Variants in LTBP1 observed in about 807,000 individuals in gnomAD.
LTBP1 encodes the protein latent-transforming growth factor beta-binding protein 1.
Under a neutral mutation model 207.6 loss-of-function variants are expected in LTBP1, and 129 were observed. The observed-to-expected ratio is 0.62, with a 90% CI of 0.54 to 0.72. The LOEUF (loss-of-function observed/expected upper bound fraction) is 0.72, where lower values mean the gene tolerates loss of function less well. LTBP1 is among the 30% of genes least tolerant of loss of function. The pLI is 0.00. For missense variants in LTBP1, 2,281 were observed against 2,217.2 expected, an observed-to-expected ratio of 1.03 and a Z score of -0.58; for synonymous variants, 963 against 833.7, an observed-to-expected ratio of 1.16 and a Z score of -2.67.
intron 7 of LTBP1, among the ~76,000 whole-genome samples, chr2:33,192,735 A>G (rs1558788838): frequency 6.6e-6 from 1 of 152,216 alleles, no homozygotes; most frequent in Non-Finnish European, 1.5e-5. Flanking sequence ...CAGACTGGGT[A>G]ATCTATAAAG....
At chr2:33,167,095 C>T (rs1049865383) in intron 5 of LTBP1, among the ~76,000 whole-genome samples, 1 of 151,888 alleles carries the variant, frequency 6.6e-6, no homozygotes. Context: ...TTCTTTTGTC[C>T]CTGCCTGAAA....
chr2:33,110,579 C>T lies in LTBP1; in HGVS notation c.864-3C>T, dbSNP rs780197565. On this transcript the variant is annotated splice_polypyrimidine_tract_variant and splice_region_variant and intron_variant, in intron 3 of 33. Transcript: ENST00000404816. ...TCCTTCTCTTTATTTTGTTTCTTCCCAGAGTGACTCCTCTTTCTTCCCAGA... is the reference window on the plus strand; with the variant it reads ...TCCTTCTCTTTATTTTGTTTCTTCCTAGAGTGACTCCTCTTTCTTCCCAGA... 2 of 1,611,790 alleles carry T rather than the reference C, an allele frequency of 1.2e-6. No homozygotes were observed. The highest frequency in any genetic ancestry group is 1.7e-6 in the Non-Finnish European group (2 of 1,178,654).
At chr2:33,272,180 G>A (rs79263370) in intron 15 of LTBP1, among the ~76,000 whole-genome samples, 3,713 of 152,238 alleles carry the variant, frequency 0.024, 160 homozygotes, top group African/African-American at 0.085. Context: ...TTTTGGTTTC[G>A]GAGAGCAACC....
chr2:33,254,399 A>G (rs2092770025), intron 11 of LTBP1, among the ~76,000 whole-genome samples: 1 of 152,098 alleles, frequency 6.6e-6, no homozygotes, highest in South Asian at 2.1e-4. Context: ...TGAAGCATAA[A>G]TTGAGATGGT....
intron 4 of LTBP1, among the ~76,000 whole-genome samples, chr2:33,117,957 A>G (rs777698027): frequency 6.6e-6 from 1 of 152,088 alleles, no homozygotes; most frequent in Admixed American, 6.6e-5. Context: ...TAGGATATGG[A>G]TGGTATCACA....
intron 2 of LTBP1, among the ~76,000 whole-genome samples, chr2:33,011,898 C>T (rs1191854357): frequency 6.6e-6 from 1 of 152,088 alleles, no homozygotes; most frequent in Non-Finnish European, 1.5e-5. Flanking sequence ...GATTTTAACA[C>T]TGACATTTGG....
intron 7 of LTBP1, among the ~76,000 whole-genome samples, chr2:33,216,244 A>T (rs866893794): frequency 3.3e-5 from 5 of 152,324 alleles, no homozygotes; most frequent in South Asian, 2.1e-4. Context: ...GGAGGAACTC[A>T]TTGGAATTAA....
rs570979020 is a variant in LTBP1 at position 33,004,650 on chromosome 2, C to T, written c.566-16259C>T. Among the ~76,000 whole-genome samples, 399 of 150,962 alleles carry T rather than the reference C, an allele frequency of 2.6e-3. 5 individuals are homozygous for T. The highest frequency in any genetic ancestry group is 1.7e-3 in the Non-Finnish European group (116 of 67,772). On this transcript the variant is annotated intron_variant, in intron 2 of 33. Transcript: ENST00000404816. The stretch of plus-strand genomic sequence containing the variant: ...ATTAGCCAGGCTTGTTGGTGCGTGA[C>T]TGTAATCCCAGCTACTCAGGAGGCT...
chr2:33,271,677 C>T (rs17012717), intron 15 of LTBP1, among the ~76,000 whole-genome samples: 1 of 152,034 alleles, frequency 6.6e-6, no homozygotes, highest in Non-Finnish European at 1.5e-5. Flanking sequence ...AATGCTAATC[C>T]TAAAAACCAT....
intron 2 of LTBP1, among the ~76,000 whole-genome samples, chr2:32,966,052 CTTG>C (rs1679956888): frequency 1.3e-5 from 2 of 152,234 alleles, no homozygotes; most frequent in South Asian, 2.1e-4. Flanking sequence ...TGGTTTTAAT[CTTG>C]TTGTAATTTG....
chr2:33,157,146 A>C (rs951189088), intron 5 of LTBP1, among the ~76,000 whole-genome samples: 1 of 152,182 alleles, frequency 6.6e-6, no homozygotes, highest in Non-Finnish European at 1.5e-5. Flanking sequence ...CTTTAATCTT[A>C]AATGTAGAGA....
intron 5 of LTBP1, among the ~76,000 whole-genome samples, chr2:33,153,884 T>C (rs569820880): frequency 6.6e-6 from 1 of 152,106 alleles, no homozygotes; most frequent in East Asian, 1.9e-4. Flanking sequence ...AGCGGCATCA[T>C]TGGCACCATT....
intron 3 of LTBP1, among the ~76,000 whole-genome samples, chr2:33,049,797 A>C (rs1211389131): frequency 6.6e-6 from 1 of 152,120 alleles, no homozygotes; most frequent in Non-Finnish European, 1.5e-5. Flanking sequence ...ACATGCATAT[A>C]ATTTGTAAAT....
At position 33,188,609 on chromosome 2, in the gene LTBP1, G is replaced by T. The variant is rs1428538167; in HGVS notation, c.1459G>T (p.Val487Leu). The change falls in exon 7 of 34, where the codon GTG becomes TTG. Residue 487 changes from valine (V) to leucine (L), a missense_variant. Physicochemically the swap from Val to Leu is conservative, Grantham distance 32. Around this residue, in one of 3 missense-constraint regions of LTBP1, gnomAD observed 1,671 missense variants for 1,634.8 expected, o/e 1.02. Transcript: ENST00000404816. ...KFPPNIVNIH[V>L]KHPPEASVQI... ...TCCTCCTAACATAGTCAATATCCAT[G>T]TGAAACATCCTCCTGAAGCTTCCGT... 2 of 1,613,588 alleles carry T rather than the reference G, an allele frequency of 1.2e-6. No individual in the cohort carries two copies. The highest frequency in any genetic ancestry group is 2.7e-5 in the African/African-American group (2 of 74,874).
At chr2:33,186,300 T>C (rs7569883) in intron 5 of LTBP1, among the ~76,000 whole-genome samples, 2,823 of 152,318 alleles carry the variant, frequency 0.019, 87 homozygotes, top group African/African-American at 0.061. Context: ...TATATATTTA[T>C]GGGGTACAGG....
At chr2:33,285,540 C>T (rs190259945) in intron 19 of LTBP1, among the ~76,000 whole-genome samples, 2 of 151,118 alleles carry the variant, frequency 1.3e-5, no homozygotes, top group Admixed American at 6.6e-5. Context: ...CCTCCACCTC[C>T]CGGGTTCAAG....
intron 21 of LTBP1, 152 bp from the exon 22 acceptor site, chr2:33,301,370 T>G: frequency 5.9e-6 from 5 of 846,344 alleles, no homozygotes; most frequent in Non-Finnish European, 8.6e-6. Flanking sequence ...CAAAAAAGTC[T>G]CCTGAGATAG....
Position 33,032,619 on chromosome 2 carries a change from T to C in LTBP1, c.863+11413T>C, listed in dbSNP as rs545340787. On this transcript the variant is annotated intron_variant, in intron 3 of 33. Coordinates refer to ENST00000404816, the MANE Select transcript of LTBP1 (RefSeq NM_206943.4). Reference sequence around the variant, plus strand: ...GGTTGTTAGGCTCTAAATGTCTTCCTAGCTGGACTGCATTCTCATTAGTTA... The same window carrying C: ...GGTTGTTAGGCTCTAAATGTCTTCCCAGCTGGACTGCATTCTCATTAGTTA... Among the ~76,000 whole-genome samples the C allele has an allele frequency of 3.3e-5, 5 of 152,334 alleles. No homozygotes were observed. In the East Asian group the frequency reaches 7.7e-4, roughly 23 times the overall value.
chr2:33,249,823 C>G lies in LTBP1; in HGVS notation c.2000-2854C>G, dbSNP rs141456128. 4.6e-3 allele frequency among the ~76,000 whole-genome samples: 695 copies of G among 152,266 alleles called. 3 individuals carry two copies. Among genetic ancestry groups the G allele is most frequent in the African/African-American group, 0.016 (671 of 41,548 alleles). On this transcript the variant is annotated intron_variant, in intron 10 of 33. Transcript: ENST00000404816. ...TTTCAGTGTACAAACATGTAAGAGC[C>G]TACAGGCACCCTTTATTATCACTCC...
Sources: gnomAD v4.1 joint callset for allele counts (sites outside exome capture counted in the v4.1 genomes callset) on GRCh38, gnomAD v4.1.1 for gene constraint, gnomAD v4.1.1 regional missense constraint, MANE v1.5 for transcripts, NCBI Gene and HGNC (gene_info 2026-07-23, HGNC 2026-07-21) for gene names.